The following CTNNA2 variants were observed in gnomAD, a reference collection of about 807,000 sequenced individuals.
CTNNA2 encodes the protein catenin alpha-2.
A neutral mutation model predicts 101.0 loss-of-function variants in CTNNA2; 42 were observed. The ratio of observed to expected loss-of-function variants is 0.42; its 90% CI spans 0.32 to 0.54. The LOEUF is 0.54. Ranked by LOEUF, CTNNA2 falls within the 20% of genes least tolerant of loss-of-function variation. The pLI is 0.14. For synonymous variants in CTNNA2, 450 were observed against 456.4 expected, an observed-to-expected ratio of 0.99 and a Z score of 0.18; for missense variants, 871 against 1,223.1, an observed-to-expected ratio of 0.71 and a Z score of 4.29.
chr2:80,539,885 T>C (rs1357017452), intron 9 of CTNNA2, among the ~76,000 whole-genome samples: 1 of 152,228 alleles, frequency 6.6e-6, no homozygotes, highest in African/African-American at 2.4e-5. Context: ...TATTGTTTTC[T>C]AAGCTTCCAG....
chr2:79,772,880 A>G (rs2105154409), intron 3 of CTNNA2, among the ~76,000 whole-genome samples: 1 of 152,362 alleles, frequency 6.6e-6, no homozygotes, highest in South Asian at 2.1e-4. Context: ...TTAGATCATC[A>G]GTAATATTAA....
chr2:80,343,437 A>T (rs553814317), intron 7 of CTNNA2, among the ~76,000 whole-genome samples: 1 of 151,544 alleles, frequency 6.6e-6, no homozygotes, highest in East Asian at 1.9e-4. Context: ...CATAAAAAAA[A>T]TCTCCAGTGT....
At chr2:80,368,841 G>A (rs1293164644) in intron 7 of CTNNA2, among the ~76,000 whole-genome samples, 2 of 140,152 alleles carry the variant, frequency 1.4e-5, no homozygotes, top group African/African-American at 5.7e-5. Context: ...ATGTGTGTGT[G>A]TATATATGTG....
At chr2:80,175,404 T>C (rs1038299232) in intron 7 of CTNNA2, among the ~76,000 whole-genome samples, 1 of 152,206 alleles carries the variant, frequency 6.6e-6, no homozygotes, top group Admixed American at 6.5e-5. Flanking sequence ...TTCCTCACTA[T>C]TGTATTCTCA....
intron 7 of CTNNA2, among the ~76,000 whole-genome samples, chr2:79,931,413 A>T (rs900956241): frequency 6.6e-6 from 1 of 151,998 alleles, no homozygotes; most frequent in Non-Finnish European, 1.5e-5. Flanking sequence ...ATTCTATTCT[A>T]TGCTTCTGTG....
At chr2:80,214,205 CATT>C (rs1708099799) in intron 7 of CTNNA2, among the ~76,000 whole-genome samples, 2 of 152,080 alleles carry the variant, frequency 1.3e-5, no homozygotes, top group South Asian at 4.1e-4. Context: ...GCATTTAGCC[CATT>C]TACATTTAAG....
chr2:80,170,736 T>A (rs1705002309), intron 7 of CTNNA2, among the ~76,000 whole-genome samples: 1 of 152,180 alleles, frequency 6.6e-6, no homozygotes, highest in Non-Finnish European at 1.5e-5. Flanking sequence ...TGTTTATTGG[T>A]TGAATATGTA....
At chr2:79,548,236 A>G (rs1001446820) in intron 1 of CTNNA2, 1 of 152,232 alleles carries the variant, frequency 6.6e-6, no homozygotes, top group Admixed American at 6.5e-5. Context: ...ATACTCTTTA[A>G]GTACTAATGA....
intron 7 of CTNNA2, among the ~76,000 whole-genome samples, chr2:79,979,738 A>G (rs1258501029): frequency 6.6e-6 from 1 of 152,208 alleles, no homozygotes; most frequent in Non-Finnish European, 1.5e-5. Flanking sequence ...AAAAAAAAAT[A>G]CTAAGATAAA....
At chr2:80,317,287 A>G (rs1678222210) in intron 7 of CTNNA2, among the ~76,000 whole-genome samples, 1 of 152,210 alleles carries the variant, frequency 6.6e-6, no homozygotes, top group East Asian at 1.9e-4. Context: ...TAGACCTTAT[A>G]AAGTGATTGA....
intron 7 of CTNNA2, among the ~76,000 whole-genome samples, chr2:79,991,579 G>A (rs980405802): frequency 1.3e-5 from 2 of 152,098 alleles, no homozygotes; most frequent in African/African-American, 2.4e-5. Flanking sequence ...CGTAGTGCTC[G>A]GCATGCAAGC....
chr2:79,440,597 C>T (rs1678767338), intron 4 of CTNNA2, among the ~76,000 whole-genome samples: 1 of 152,134 alleles, frequency 6.6e-6, no homozygotes, highest in Admixed American at 6.5e-5. Flanking sequence ...GAGCTGAATA[C>T]ACCTGGCAAC....
At chr2:80,427,897 TG>T (rs1347524211) in intron 9 of CTNNA2, among the ~76,000 whole-genome samples, 1 of 152,208 alleles carries the variant, frequency 6.6e-6, no homozygotes, top group East Asian at 1.9e-4. Context: ...CCTGCTCTCA[TG>T]GGACATGCAT....
intron 9 of CTNNA2, among the ~76,000 whole-genome samples, chr2:80,486,893 C>G (rs973581855): frequency 1.4e-4 from 22 of 152,128 alleles, no homozygotes; most frequent in African/African-American, 5.3e-4. Context: ...GATCCCGGAT[C>G]CCACATTGTG....
intron 7 of CTNNA2, among the ~76,000 whole-genome samples, chr2:80,097,361 C>T (rs1340642977): frequency 6.6e-6 from 1 of 152,302 alleles, no homozygotes; most frequent in East Asian, 1.9e-4. Flanking sequence ...TGTAGAGTTT[C>T]TGCCGAGAGA....
chr2:80,259,214 C>T (rs1672408263), intron 7 of CTNNA2, among the ~76,000 whole-genome samples: 1 of 152,144 alleles, frequency 6.6e-6, no homozygotes, highest in Admixed American at 6.5e-5. Context: ...AATTAGACAG[C>T]CCATTTGGGG....
chr2:79,695,274 C>T (rs1047415099), intron 2 of CTNNA2, among the ~76,000 whole-genome samples: 1 of 151,812 alleles, frequency 6.6e-6, no homozygotes, highest in African/African-American at 2.4e-5. Flanking sequence ...ATCCTAGAAC[C>T]AAATTTAAAT....
At chr2:79,218,094 TA>T (rs1674290234) in intron 2 of CTNNA2, among the ~76,000 whole-genome samples, 1 of 152,152 alleles carries the variant, frequency 6.6e-6, no homozygotes, top group Non-Finnish European at 1.5e-5. Flanking sequence ...ATTTTAGAAA[TA>T]AAAAACTTGA....
At chr2:79,741,723 T>C (rs1176384182) in intron 2 of CTNNA2, among the ~76,000 whole-genome samples, 1 of 142,546 alleles carries the variant, frequency 7.0e-6, no homozygotes, top group Non-Finnish European at 1.5e-5. Context: ...TTCACTCTTG[T>C]AGTAGTTGGA....
Sources: allele counts gnomAD v4.1 joint callset (sites outside exome capture counted in the v4.1 genomes callset), GRCh38; gene constraint gnomAD v4.1.1; transcripts MANE v1.5; gene names NCBI Gene and HGNC (gene_info 2026-07-23, HGNC 2026-07-21).